Variants in ABCA10 observed in about 807,000 individuals in gnomAD.
The protein encoded by ABCA10 is ATP binding cassette subfamily A member 10.
A neutral mutation model predicts 187.5 loss-of-function variants in ABCA10; 169 were observed. The ratio of observed to expected loss-of-function variants is 0.90; its 90% confidence interval spans 0.80 to 1.02. The LOEUF (loss-of-function observed/expected upper bound fraction) is 1.02. Among genes scored for constraint, ABCA10 ranks in the 50% least tolerant of loss-of-function variants. ABCA10 has a pLI of 0.00. For missense variants in ABCA10, 1,727 were observed against 1,812.4 expected, an observed-to-expected ratio of 0.95 and a Z score of 0.86; for synonymous variants, 574 against 601.8, an observed-to-expected ratio of 0.95 and a Z score of 0.68.
intron 22 of ABCA10, among the ~76,000 whole-genome samples, chr17:69,176,623 G>A (rs1043082742): frequency 3.3e-5 from 5 of 151,958 alleles, no homozygotes; most frequent in African/African-American, 4.8e-5. Flanking sequence ...CTGCTTCCCA[G>A]TATCACCCCT....
intron 21 of ABCA10, 34 bp downstream of exon 21, chr17:69,182,641 A>AG: frequency 6.5e-7 from 1 of 1,533,140 alleles, no homozygotes; most frequent in Non-Finnish European, 8.7e-7. Flanking sequence ...ACAAAAAAAA[A>AG]CCAAAAAAAA....
intron 18 of ABCA10, among the ~76,000 whole-genome samples, chr17:69,188,509 T>C (rs1351905355): frequency 1.3e-5 from 2 of 150,908 alleles, no homozygotes; most frequent in East Asian, 3.9e-4. Context: ...AATTCTTTTT[T>C]TTCTTTCCAA....
chr17:69,182,612 T>C, intron 21 of ABCA10, 63 bp downstream of exon 21: 6 of 1,501,776 alleles, frequency 4.0e-6, no homozygotes, highest in Non-Finnish European at 5.3e-6. Context: ...GTTCTAAGTA[T>C]TAGGACGTGG....
At chr17:69,154,909 A>T in intron 30 of ABCA10, 110 bp downstream of exon 30, 3 of 683,278 alleles carry the variant, frequency 4.4e-6, no homozygotes, top group Non-Finnish European at 7.2e-6. Flanking sequence ...ATTACACATT[A>T]ACCAGGATAT....
At chr17:69,226,457 TACTG>T (rs1259232401) in intron 2 of ABCA10, among the ~76,000 whole-genome samples, 5 of 152,028 alleles carry the variant, frequency 3.3e-5, no homozygotes, top group African/African-American at 9.6e-5. Flanking sequence ...ACTGAAATGG[TACTG>T]ACTATTTCTG....
intron 35 of ABCA10, 75 bp downstream of exon 35, chr17:69,152,287 T>C: frequency 1.9e-6 from 3 of 1,577,620 alleles, no homozygotes; most frequent in Non-Finnish European, 2.6e-6. Flanking sequence ...CTGTAGAGCA[T>C]CAGCTGTTCA....
chr17:69,232,739 G>A (rs908704370), upstream of ABCA10, among the ~76,000 whole-genome samples: 16 of 152,176 alleles, frequency 1.1e-4, no homozygotes, highest in South Asian at 3.3e-3. Flanking sequence ...TATAGGACAG[G>A]TCTGATAGTA....
At chr17:69,179,357 G>A (rs2074361454) in intron 22 of ABCA10, among the ~76,000 whole-genome samples, 1 of 152,178 alleles carries the variant, frequency 6.6e-6, no homozygotes, top group African/African-American at 2.4e-5. Context: ...GAGTTCATGA[G>A]TAATAATCTT....
intron 25 of ABCA10, among the ~76,000 whole-genome samples, chr17:69,165,537 G>C (rs1568052787): frequency 6.6e-6 from 1 of 152,080 alleles, no homozygotes; most frequent in East Asian, 1.9e-4. Flanking sequence ...TCCAAGGTAG[G>C]AATATTGAAC....
At chr17:69,158,059 CAAA>C (rs1598087166) in intron 27 of ABCA10, among the ~76,000 whole-genome samples, 1 of 151,732 alleles carries the variant, frequency 6.6e-6, no homozygotes, top group East Asian at 1.9e-4. Context: ...TAGAAACAAA[CAAA>C]AGACAAAAGC....
In ABCA10 at chr17:69,155,914, C is replaced by T. The variant is rs186381509; in HGVS notation, c.3467G>A (p.Arg1156Gln). Residue 1156 changes from arginine to glutamine, a missense_variant, in exon 29 of 39, where the codon CGG becomes CAG. By Grantham distance (43) the Arg-to-Gln change is conservative (BLOSUM62 1). Transcript: ENST00000690296. ...CGGATTGGGATGAGTTTCTCTACTC[C>T]GTGGAGAGATTCTACAGAGGAAATA... Reference protein sequence around the residue: ...NKDPVFRISPRSRETHPNPEE... With the variant: ...NKDPVFRISPQSRETHPNPEE... The T allele has an allele frequency of 2.2e-5, 36 of 1,612,814 alleles. No individual in the cohort carries two copies. The East Asian group carries it at 4.7e-4, about 21-fold the overall frequency.
intron 4 of ABCA10, 87 bp downstream of exon 4, chr17:69,222,446 G>C (rs1036952635): frequency 2.8e-6 from 3 of 1,069,002 alleles, no homozygotes; most frequent in Non-Finnish European, 3.9e-6. Context: ...TCTTTACTTG[G>C]TTGTATTAAT....
chr17:69,180,424 T>G (rs550702223), intron 22 of ABCA10, among the ~76,000 whole-genome samples: 5 of 152,210 alleles, frequency 3.3e-5, no homozygotes, highest in African/African-American at 1.2e-4. Flanking sequence ...TCAGTTCCAC[T>G]GAAAAATAAA....
intron 34 of ABCA10, 40 bp from the exon 35 acceptor site, chr17:69,152,521 AT>A: frequency 6.4e-7 from 1 of 1,574,222 alleles, no homozygotes; most frequent in Admixed American, 1.9e-5. Context: ...TTAGAAAGTA[AT>A]TTGGGGAAAT....
intron 27 of ABCA10, among the ~76,000 whole-genome samples, chr17:69,163,028 G>A (rs536289782): frequency 5.6e-4 from 85 of 152,062 alleles, no homozygotes; most frequent in African/African-American, 1.9e-3. Context: ...GTAGAGATGC[G>A]GTTTCACCAT....
At chr17:69,214,369 G>C (rs1013569224) in intron 9 of ABCA10, among the ~76,000 whole-genome samples, 1 of 151,422 alleles carries the variant, frequency 6.6e-6, no homozygotes, top group Non-Finnish European at 1.5e-5. Flanking sequence ...CAAAAAATTA[G>C]CTGGGCGTAG....
intron 20 of ABCA10, among the ~76,000 whole-genome samples, chr17:69,184,936 C>T (rs991770803): frequency 2.6e-5 from 4 of 151,534 alleles, no homozygotes; most frequent in South Asian, 4.2e-4. Flanking sequence ...CACACACACA[C>T]ACACACACAC....
intron 29 of ABCA10, 42 bp from the exon 30 acceptor site, chr17:69,155,178 G>A (rs1484122579): frequency 1.4e-6 from 2 of 1,432,160 alleles, no homozygotes; most frequent in South Asian, 2.4e-5. Context: ...TTAAATTTCA[G>A]ATACTTTACG....
chr17:69,221,290 G>C (rs2074745619), intron 5 of ABCA10, among the ~76,000 whole-genome samples: 1 of 152,162 alleles, frequency 6.6e-6, no homozygotes, highest in Non-Finnish European at 1.5e-5. Flanking sequence ...GTGTGGTAGG[G>C]ATAGATAATA....
Sources: gnomAD v4.1 joint callset for allele counts (sites outside exome capture counted in the v4.1 genomes callset) on GRCh38, gnomAD v4.1.1 for gene constraint, MANE v1.5 for transcripts, NCBI Gene and HGNC (gene_info 2026-07-23, HGNC 2026-07-21) for gene names.